Variants in NOX4 observed in about 807,000 individuals in gnomAD.
NOX4 encodes the protein NADPH oxidase 4, also known as kidney oxidase-1.
A neutral mutation model predicts 87.6 loss-of-function variants in NOX4; 69 were observed. The observed-to-expected ratio is 0.79, with a 90% CI of 0.65 to 0.96. The LOEUF is 0.96. Among genes scored for constraint, NOX4 ranks in the 40% least tolerant of loss-of-function variants. The pLI is 0.00. For synonymous variants in NOX4, 275 were observed against 238.2 expected, an observed-to-expected ratio of 1.15 and a Z score of -1.42; for missense variants, 680 against 681.5, an observed-to-expected ratio of 1.00 and a Z score of 0.02.
At chr11:89,580,793 C>T in the NOX4 span, among the ~76,000 whole-genome samples, 1 of 152,110 alleles carries the variant, frequency 6.6e-6, no homozygotes, top group Non-Finnish European at 1.5e-5. Flanking sequence ...AATTATGATT[C>T]TATGATAGGG....
chr11:89,327,977 G>T (rs1312180510), intron 17 of NOX4, among the ~76,000 whole-genome samples: 1 of 152,190 alleles, frequency 6.6e-6, no homozygotes, highest in East Asian at 1.9e-4. Flanking sequence ...GAAAAGGGAA[G>T]AAAACAAGCT....
intron 11 of NOX4, among the ~76,000 whole-genome samples, chr11:89,397,199 A>G (rs1405791644): frequency 6.6e-6 from 1 of 152,186 alleles, no homozygotes; most frequent in Non-Finnish European, 1.5e-5. Context: ...GAAACTGAAC[A>G]AACTGCTCCT....
At chr11:89,557,818 A>T in the NOX4 span, among the ~76,000 whole-genome samples, 1 of 152,134 alleles carries the variant, frequency 6.6e-6, no homozygotes, top group Non-Finnish European at 1.5e-5. Flanking sequence ...ACTCTCTGTT[A>T]TCTATTCAGG....
the NOX4 span, among the ~76,000 whole-genome samples, chr11:89,540,524 ACGC>A: frequency 2.0e-5 from 3 of 152,036 alleles, no homozygotes; most frequent in African/African-American, 7.2e-5. Flanking sequence ...ACAGTGGCTC[ACGC>A]CTGTAATCCC....
chr11:89,382,234 C>A (rs965335364), intron 11 of NOX4, among the ~76,000 whole-genome samples: 6 of 151,892 alleles, frequency 4.0e-5, no homozygotes, highest in African/African-American at 1.5e-4. Context: ...CAACCTTCCA[C>A]CCTTCATTCC....
chr11:89,369,302 C>T (rs1242080276), intron 12 of NOX4, among the ~76,000 whole-genome samples: 1 of 152,016 alleles, frequency 6.6e-6, no homozygotes, highest in Non-Finnish European at 1.5e-5. Flanking sequence ...GCTGGGAGGA[C>T]ATAGGGTATA....
rs528011325 is a variant in NOX4, at chr11:89,484,941, C to A, written c.153+5517G>T. On this transcript the variant is annotated intron_variant, in intron 2 of 17. Coordinates refer to ENST00000263317, the MANE Select transcript of NOX4 (RefSeq NM_016931.5). ...TTAGGATTTAATGACCAAATCTCTT[C>A]TGAAAGTAACAGGGATCATATATTC... 4.9e-4 allele frequency among the ~76,000 whole-genome samples: 74 copies of A among 152,192 alleles called. No homozygotes were observed. The South Asian group carries it at 0.015, about 31-fold the overall frequency.
At chr11:89,421,350 G>C (rs887868403) in intron 8 of NOX4, among the ~76,000 whole-genome samples, 9 of 151,908 alleles carry the variant, frequency 5.9e-5, no homozygotes, top group Admixed American at 4.6e-4. Context: ...CATATTTTTG[G>C]AATACTTTAG....
intron 11 of NOX4, among the ~76,000 whole-genome samples, chr11:89,381,566 G>A (rs317178): frequency 0.055 from 8,302 of 151,944 alleles, 458 homozygotes; most frequent in African/African-American, 0.13. Context: ...CCCTACCTTG[G>A]CTCTCTTTTC....
At chr11:89,404,369 G>A (rs573737457) in intron 8 of NOX4, among the ~76,000 whole-genome samples, 3 of 152,212 alleles carry the variant, frequency 2.0e-5, no homozygotes, top group East Asian at 3.9e-4. Context: ...CTACTCCAAT[G>A]GTTCTTCAGA....
the NOX4 span, among the ~76,000 whole-genome samples, chr11:89,571,993 G>C: frequency 2.6e-5 from 4 of 152,310 alleles, no homozygotes; most frequent in South Asian, 8.3e-4. Context: ...GGTGTATTCA[G>C]TGGAAGGCTG....
chr11:89,491,409 G>T (rs1184987900), upstream of NOX4: 3 of 629,642 alleles, frequency 4.8e-6, no homozygotes, highest in Non-Finnish European at 5.2e-6. Flanking sequence ...AGCCAGCCCG[G>T]GCGGGGTCTG....
At chr11:89,556,708 C>A in the NOX4 span, among the ~76,000 whole-genome samples, 7 of 152,040 alleles carry the variant, frequency 4.6e-5, no homozygotes, top group Non-Finnish European at 1.0e-4. Context: ...TTCAGGGGAA[C>A]GGTAATTAGT....
At chr11:89,545,919 G>C in the NOX4 span, among the ~76,000 whole-genome samples, 6 of 152,122 alleles carry the variant, frequency 3.9e-5, no homozygotes, top group Non-Finnish European at 8.8e-5. Flanking sequence ...AAATGAGTCT[G>C]CCTGCATTGT....
At chr11:89,390,808 G>T (rs1392630537) in intron 11 of NOX4, among the ~76,000 whole-genome samples, 1 of 152,078 alleles carries the variant, frequency 6.6e-6, no homozygotes, top group African/African-American at 2.4e-5. Context: ...TTTGCCATAG[G>T]TACATTTTCC....
At chr11:89,348,874 C>A (rs544492581) in intron 13 of NOX4, among the ~76,000 whole-genome samples, 1 of 152,148 alleles carries the variant, frequency 6.6e-6, no homozygotes, top group Non-Finnish European at 1.5e-5. Context: ...GTCCTCTTAT[C>A]TGTAAAATTA....
chr11:89,363,972 G>T lies in NOX4; in HGVS notation c.1136-8929C>A, dbSNP rs190967825. Among the ~76,000 whole-genome samples, 3 of 152,126 alleles carry T rather than the reference G, an allele frequency of 2.0e-5. No individual in the cohort carries two copies. The East Asian group carries it at 5.8e-4, about 29-fold the overall frequency. The stretch of plus-strand genomic sequence containing the variant: ...GGAAATCAAGTTGCAACTTATTAAA[G>T]ATATAGGCAGGCCAGGTGTGGTGGC... On this transcript the variant is annotated intron_variant, in intron 12 of 17. Transcript: ENST00000263317.
intron 6 of NOX4, among the ~76,000 whole-genome samples, chr11:89,434,810 A>G (rs1037876990): frequency 3.3e-5 from 5 of 152,250 alleles, no homozygotes; most frequent in Middle Eastern, 3.4e-3. Context: ...ATAAGCAACA[A>G]TATACATGAA....
chr11:89,562,387 C>T, the NOX4 span, among the ~76,000 whole-genome samples: 2 of 151,988 alleles, frequency 1.3e-5, 1 homozygote, highest in South Asian at 4.1e-4. Context: ...GGTTTATCCT[C>T]TCCTCTCCCT....
Sources: allele counts gnomAD v4.1 joint callset (sites outside exome capture counted in the v4.1 genomes callset), GRCh38; gene constraint gnomAD v4.1.1; transcripts MANE v1.5; gene names NCBI Gene and HGNC (gene_info 2026-07-23, HGNC 2026-07-21).